The following RP1 variants were observed in gnomAD, a reference collection of about 807,000 sequenced individuals.
RP1 encodes the protein RP1 axonemal microtubule associated.
In RP1, 16 loss-of-function variants were observed where a neutral mutation model predicts 14.8. The ratio of observed to expected loss-of-function variants is 1.08; its 90% CI spans 0.73 to 1.65. The LOEUF is 1.65. RP1 is among the 40% of genes most tolerant of loss of function. RP1 has a pLI of 0.00. For missense variants in RP1, 2,631 were observed against 2,535.0 expected (o/e 1.04, Z -0.81); for synonymous variants, 876 against 883.6 (o/e 0.99, Z 0.15).
At chr8:54,665,409 T>C (rs1437306964) in intron 7 of RP1, among the ~76,000 whole-genome samples, 3 of 152,162 alleles carry the variant, frequency 2.0e-5, no homozygotes, top group Admixed American at 6.5e-5. Context: ...TCTTTGTTTT[T>C]AGTGGCCCCC....
intron 23 of RP1, among the ~76,000 whole-genome samples, chr8:54,779,215 G>A (rs1810120294): frequency 1.3e-5 from 2 of 152,170 alleles, no homozygotes; most frequent in Admixed American, 1.3e-4. Flanking sequence ...CTGCAGAGAC[G>A]TGCTGGGTTT....
At chr8:54,716,550 A>G (rs1420450630) in intron 15 of RP1, among the ~76,000 whole-genome samples, 1 of 152,168 alleles carries the variant, frequency 6.6e-6, no homozygotes, top group African/African-American at 2.4e-5. Context: ...TATGACTGAT[A>G]TTATAATCAG....
intron 1 of RP1, among the ~76,000 whole-genome samples, chr8:54,562,417 G>A (rs760829906): frequency 1.3e-5 from 2 of 152,298 alleles, no homozygotes; most frequent in Middle Eastern, 6.8e-3. Flanking sequence ...GCTGGGTGTG[G>A]TGGCTCACGC....
At chr8:54,716,790 T>G (rs987132516) in intron 15 of RP1, among the ~76,000 whole-genome samples, 13 of 152,216 alleles carry the variant, frequency 8.5e-5, no homozygotes, top group African/African-American at 2.9e-4. Flanking sequence ...GACTCCCTCC[T>G]TGAGCATTTC....
At chr8:54,673,055 T>C (rs1807213059) in intron 7 of RP1, among the ~76,000 whole-genome samples, 1 of 152,216 alleles carries the variant, frequency 6.6e-6, no homozygotes, top group Non-Finnish European at 1.5e-5. Context: ...TTTCTCCTTA[T>C]TTATATTCTT....
chr8:54,770,014 C>A, downstream of RP1: 1 of 496,266 alleles, frequency 2.0e-6, no homozygotes, highest in Non-Finnish European at 3.5e-6. Flanking sequence ...TAAAAATCAA[C>A]TTAAGGATTT....
Position 54,656,276 on chromosome 8 carries a change from C to T in RP1, c.1171+61C>T. ...ACTTGTTTGCCTAAATGCTGAAGGA[C>T]AGGGAACCAATAAACACATGTTGAG... On this transcript the variant is annotated intron_variant, in intron 6 of 22. Coordinates refer to the RP1 transcript ENST00000636932. 2.0e-6 allele frequency: 3 copies of T among 1,482,536 alleles called. No individual in the cohort carries two copies. In the South Asian group the frequency reaches 3.8e-5, roughly 19 times the overall value. 91.8% of individuals were successfully genotyped at this position (1,482,536 alleles called of 1,614,324 possible). A position where few individuals can be genotyped will look rare whatever the true frequency, so the allele number is the denominator to read the frequency against.
intron 1 of RP1, among the ~76,000 whole-genome samples, chr8:54,566,593 G>A (rs1457870103): frequency 6.6e-6 from 1 of 152,122 alleles, no homozygotes; most frequent in Non-Finnish European, 1.5e-5. Flanking sequence ...CTACCTGGTG[G>A]CTCTCTCCTT....
intron 1 of RP1, among the ~76,000 whole-genome samples, chr8:54,604,708 A>T (rs939401065): frequency 6.6e-6 from 1 of 152,196 alleles, no homozygotes; most frequent in Non-Finnish European, 1.5e-5. Flanking sequence ...TATTGCCTCA[A>T]TTTCAGAGCC....
intron 24 of RP1, among the ~76,000 whole-genome samples, chr8:54,784,786 T>G (rs1478940545): frequency 6.6e-6 from 1 of 152,104 alleles, no homozygotes; most frequent in African/African-American, 2.4e-5. Context: ...ATTTATCAGT[T>G]TATTTGTGCA....
chr8:54,699,758 T>C (rs1168651266), intron 13 of RP1, among the ~76,000 whole-genome samples: 1 of 152,166 alleles, frequency 6.6e-6, no homozygotes, highest in East Asian at 1.9e-4. Flanking sequence ...AATTGGAATT[T>C]AGACAAGAAA....
intron 1 of RP1, among the ~76,000 whole-genome samples, chr8:54,585,487 T>C (rs2129298534): frequency 6.6e-6 from 1 of 152,336 alleles, no homozygotes; most frequent in East Asian, 1.9e-4. Flanking sequence ...GGAGTTGCTC[T>C]TCTCGAAGAG....
intron 1 of RP1, among the ~76,000 whole-genome samples, chr8:54,604,128 G>T (rs1011974063): frequency 6.6e-6 from 1 of 152,148 alleles, no homozygotes; most frequent in African/African-American, 2.4e-5. Flanking sequence ...TTTTCAGAGG[G>T]TATGCTTCCA....
At position 54,628,879 on chromosome 8, in the gene RP1, G is replaced by A; in HGVS notation, c.4997G>A (p.Cys1666Tyr). 3.7e-6 allele frequency: 6 copies of A among 1,614,054 alleles called. No homozygotes were observed. Among genetic ancestry groups the A allele is most frequent in the Non-Finnish European group, 5.1e-6 (6 of 1,179,964 alleles). Residue 1666 changes from cysteine (C) to tyrosine (Y), a missense_variant, in exon 4 of 4, where the codon TGT becomes TAT. Transcript: ENST00000220676. ...VCPYNSVEFQ[C>Y]SRKASLYDSE... ...CCTTATAATTCTGTGGAATTTCAGT[G>A]TTCCAGGAAAGCAAGTCTTTATGAT...
intron 12 of RP1, among the ~76,000 whole-genome samples, chr8:54,691,970 C>A (rs981313314): frequency 6.6e-6 from 1 of 151,978 alleles, no homozygotes; most frequent in Non-Finnish European, 1.5e-5. Context: ...TCCCCCCTCC[C>A]CCAACCCTAC....
intron 27 of RP1, among the ~76,000 whole-genome samples, chr8:54,865,129 A>G (rs554786743): frequency 2.8e-4 from 43 of 152,166 alleles, no homozygotes; most frequent in African/African-American, 9.6e-4. Flanking sequence ...CTTTTATTAA[A>G]TTATGCTTTT....
chr8:54,852,580 T>C, exon 26 of RP1: 1 of 1,231,684 alleles, frequency 8.1e-7, no homozygotes, highest in African/African-American at 1.6e-5. Context: ...TCAGTGGTGC[T>C]TTATGAGATT....
At chr8:54,751,824 T>G (rs950438921) in intron 19 of RP1, among the ~76,000 whole-genome samples, 1 of 152,236 alleles carries the variant, frequency 6.6e-6, no homozygotes, top group African/African-American at 2.4e-5. Flanking sequence ...TTCTTTGTTT[T>G]TCTGTTTCGA....
intron 26 of RP1, among the ~76,000 whole-genome samples, chr8:54,854,788 C>T (rs956699197): frequency 2.0e-5 from 3 of 152,100 alleles, no homozygotes; most frequent in Non-Finnish European, 4.4e-5. Context: ...TCACCTGAAC[C>T]CGGGAATTGG....
Sources: allele counts gnomAD v4.1 joint callset (sites outside exome capture counted in the v4.1 genomes callset), GRCh38; gene constraint gnomAD v4.1.1; transcripts MANE v1.5; gene names NCBI Gene and HGNC (gene_info 2026-07-23, HGNC 2026-07-21).